Variants in EPHA4 observed in about 807,000 individuals in gnomAD.
The protein encoded by EPHA4 is ephrin type-A receptor 4.
EPHA4 carries 19 observed loss-of-function variants against 108.3 expected under a neutral mutation model. That is an observed-to-expected ratio of 0.18 (90% CI 0.12 to 0.26). The LOEUF (loss-of-function observed/expected upper bound fraction) is 0.26. Ranked by LOEUF, EPHA4 falls within the 10% of genes least tolerant of loss-of-function variation. The pLI, the probability that EPHA4 is intolerant of heterozygous loss-of-function variation, is 1.00. For missense variants in EPHA4, 917 were observed against 1,254.0 expected (o/e 0.73, Z 4.06); for synonymous variants, 449 against 455.5 (o/e 0.99, Z 0.18).
intron 3 of EPHA4, among the ~76,000 whole-genome samples, chr2:221,555,677 T>G (rs1694284003): frequency 6.6e-6 from 1 of 152,186 alleles, no homozygotes; most frequent in Admixed American, 6.5e-5. Context: ...GGGAGAAAGC[T>G]TTTATGCCTT....
At chr2:221,525,739 A>G (rs1559279337) in intron 3 of EPHA4, among the ~76,000 whole-genome samples, 1 of 152,188 alleles carries the variant, frequency 6.6e-6, no homozygotes, top group South Asian at 2.1e-4. Flanking sequence ...CCAGGAAACA[A>G]AGTTGGAGCC....
At chr2:221,469,306 G>A (rs1691406167) in intron 5 of EPHA4, among the ~76,000 whole-genome samples, 1 of 152,042 alleles carries the variant, frequency 6.6e-6, no homozygotes, top group South Asian at 2.1e-4. Flanking sequence ...CAAGTGACTA[G>A]GTAATCAACC....
intron 3 of EPHA4, among the ~76,000 whole-genome samples, chr2:221,545,422 C>T (rs1693965770): frequency 6.6e-6 from 1 of 151,920 alleles, no homozygotes; most frequent in Admixed American, 6.6e-5. Flanking sequence ...TGAGCCGAGA[C>T]TGCACCACTG....
chr2:221,553,732 G>A (rs1219356335), intron 3 of EPHA4, among the ~76,000 whole-genome samples: 1 of 152,166 alleles, frequency 6.6e-6, no homozygotes, highest in Non-Finnish European at 1.5e-5. Context: ...TAAATTGTTA[G>A]CTTTATGGGA....
chr2:221,434,457 C>A (rs1690170790), intron 13 of EPHA4, among the ~76,000 whole-genome samples, 166 bp from the exon 14 acceptor site: 1 of 152,200 alleles, frequency 6.6e-6, no homozygotes, highest in African/African-American at 2.4e-5. Flanking sequence ...CAGGTTAACA[C>A]AGTTCTCTTA....
rs140930367 is a variant in EPHA4 at position 221,420,248 on chromosome 2, A to AGTCT, written c.*1120_*1123dup. ...AATACATATAAATAAAACCGCAAAGAGTCTGGGGCAAGGGCTCTGCAGAGC... is the reference window on the plus strand; with the variant it reads ...AATACATATAAATAAAACCGCAAAGAGTCTGTCTGGGGCAAGGGCTCTGCAGAGC... On this transcript the variant is annotated 3_prime_UTR_variant, in exon 18 of 18. Transcript: ENST00000281821. 25,076 of 152,554 alleles carry AGTCT rather than the reference A, an allele frequency of 0.16. 2,285 individuals carry two copies. The highest frequency in any genetic ancestry group is 0.22 in the African/African-American group (9,131 of 41,470). 9.5% of individuals were successfully genotyped at this position (152,554 alleles called of 1,614,324 possible). A position where few individuals can be genotyped will look rare whatever the true frequency, so the allele number is the denominator to read the frequency against.
chr2:221,525,972 G>A (rs1275507156), intron 3 of EPHA4, among the ~76,000 whole-genome samples: 1 of 152,106 alleles, frequency 6.6e-6, no homozygotes, highest in Non-Finnish European at 1.5e-5. Context: ...AGGTCCAACT[G>A]GTTACATAGC....
At chr2:221,445,803 G>T (rs1053519280) in intron 9 of EPHA4, among the ~76,000 whole-genome samples, 10 of 151,560 alleles carry the variant, frequency 6.6e-5, no homozygotes, top group Admixed American at 6.6e-4. Flanking sequence ...TTCCAGCTTA[G>T]ATTAAAAAAA....
At chr2:221,431,286 CA>C (rs1202931761) in intron 14 of EPHA4, among the ~76,000 whole-genome samples, 1 of 152,180 alleles carries the variant, frequency 6.6e-6, no homozygotes, top group African/African-American at 2.4e-5. Context: ...GAGAAATAAG[CA>C]GTGGTTGAGC....
intron 3 of EPHA4, among the ~76,000 whole-genome samples, chr2:221,516,035 A>G (rs1353577505): frequency 6.6e-6 from 1 of 152,124 alleles, no homozygotes; most frequent in Non-Finnish European, 1.5e-5. Flanking sequence ...AGCATTAAAA[A>G]TTTTGGCAGA....
intron 3 of EPHA4, among the ~76,000 whole-genome samples, chr2:221,552,740 A>G (rs945356042): frequency 3.3e-5 from 5 of 152,192 alleles, no homozygotes; most frequent in African/African-American, 9.7e-5. Flanking sequence ...AAACACAAAC[A>G]GGATAGCTAA....
chr2:221,485,266 T>A (rs751871259), intron 4 of EPHA4, among the ~76,000 whole-genome samples: 1 of 152,022 alleles, frequency 6.6e-6, no homozygotes, highest in Admixed American at 6.6e-5. Context: ...CTCAGAGATA[T>A]AGCACTTCCA....
intron 3 of EPHA4, among the ~76,000 whole-genome samples, chr2:221,503,059 G>A (rs1390530760): frequency 6.6e-6 from 1 of 152,168 alleles, no homozygotes; most frequent in Non-Finnish European, 1.5e-5. Flanking sequence ...AGGACTGGGG[G>A]TCAAGCCCAG....
At chr2:221,515,306 G>T (rs1692958759) in intron 3 of EPHA4, among the ~76,000 whole-genome samples, 1 of 152,072 alleles carries the variant, frequency 6.6e-6, no homozygotes, top group Admixed American at 6.5e-5. Context: ...TGTTGGTCAG[G>T]CTGGTCTCGA....
At chr2:221,500,757 CT>C (rs771537123) in intron 4 of EPHA4, among the ~76,000 whole-genome samples, 27 of 152,218 alleles carry the variant, frequency 1.8e-4, no homozygotes, top group Non-Finnish European at 3.1e-4. Context: ...TCTAATTACA[CT>C]GTCAGACAAC....
In EPHA4 at chr2:221,420,071, T is replaced by C. The variant is rs1689707360; in HGVS notation, c.*1301A>G. 1 of 152,558 alleles carries C rather than the reference T, an allele frequency of 6.6e-6. No homozygotes were observed. The highest frequency in any genetic ancestry group is 2.1e-4 in the South Asian group (1 of 4,830). The allele number at this position is 152,558 out of a possible 1,614,324, so 9.5% of individuals were successfully genotyped here. On this transcript the variant is annotated 3_prime_UTR_variant, in exon 18 of 18. Transcript: ENST00000281821. Reference sequence around the variant, plus strand: ...CTGCAATGGCACACCCTGGGTAAAATGTTACTTCCGCAATGCATATCATAG... The same window carrying C: ...CTGCAATGGCACACCCTGGGTAAAACGTTACTTCCGCAATGCATATCATAG...
At chr2:221,467,790 T>C (rs1170641722) in intron 5 of EPHA4, among the ~76,000 whole-genome samples, 2 of 152,326 alleles carry the variant, frequency 1.3e-5, no homozygotes, top group Admixed American at 1.3e-4. Flanking sequence ...TGTTTTACTT[T>C]CTACTTGCTT....
At chr2:221,433,774 G>A (rs1690150084) in intron 14 of EPHA4, among the ~76,000 whole-genome samples, 1 of 152,158 alleles carries the variant, frequency 6.6e-6, no homozygotes, top group African/African-American at 2.4e-5. Context: ...AGCCTTTCAT[G>A]TCCGTTTTAT....
chr2:221,521,672 AAAAAC>A (rs1693169296), intron 3 of EPHA4, among the ~76,000 whole-genome samples: 2 of 152,218 alleles, frequency 1.3e-5, no homozygotes, highest in South Asian at 4.1e-4. Context: ...ATGGAATTAA[AAAAAC>A]AAAACAAACA....
Sources: gnomAD v4.1 joint callset for allele counts (sites outside exome capture counted in the v4.1 genomes callset) on GRCh38, gnomAD v4.1.1 for gene constraint, MANE v1.5 for transcripts, NCBI Gene and HGNC (gene_info 2026-07-23, HGNC 2026-07-21) for gene names.